ABCC5: variants seen among roughly 807,000 people sequenced by gnomAD.
The protein encoded by ABCC5 is ATP-binding cassette sub-family C member 5.
ABCC5 carries 61 observed loss-of-function variants against 160.9 expected under a neutral mutation model. That is an observed-to-expected ratio of 0.38 (90% confidence interval 0.31 to 0.47). The LOEUF is 0.47. ABCC5 is among the 20% of genes least tolerant of loss of function. The probability of loss-of-function intolerance (pLI) is 0.99; values close to 1 mark genes in which losing one functional copy is unlikely to be tolerated. For missense variants in ABCC5, 1,308 were observed against 1,813.3 expected, an observed-to-expected ratio of 0.72 and a Z score of 5.06; for synonymous variants, 666 against 700.6, an observed-to-expected ratio of 0.95 and a Z score of 0.78.
Position 183,982,340 on chromosome 3 carries a change from G to C in ABCC5, c.999+111C>G. The C allele has an allele frequency of 7.9e-7, 1 of 1,271,334 alleles. No homozygotes were observed. Among genetic ancestry groups the C allele is most frequent in the African/African-American group, 1.5e-5 (1 of 65,894 alleles). 78.8% of individuals were successfully genotyped at this position (1,271,334 alleles called of 1,614,324 possible). A position where few individuals can be genotyped will look rare whatever the true frequency, so the allele number is the denominator to read the frequency against. ...GAGCTCTAGATTGAACCTGCTTTGA[G>C]GAAATTTCCAATCAGAGCTGTGAGA... On this transcript the variant is annotated intron_variant, in intron 7 of 29. Transcript: ENST00000334444. This position sits in a 1 kb window ranked among gnomAD's most constrained non-coding sequence, Gnocchi z 5.2.
chr3:184,004,546 A>G (rs1477283859), intron 2 of ABCC5, among the ~76,000 whole-genome samples: 1 of 151,902 alleles, frequency 6.6e-6, no homozygotes, highest in Non-Finnish European at 1.5e-5. Flanking sequence ...TATAATTTGT[A>G]AATGAAACTT....
chr3:183,939,160 C>A (rs370044627), intron 25 of ABCC5, among the ~76,000 whole-genome samples: 6 of 152,196 alleles, frequency 3.9e-5, no homozygotes, highest in Non-Finnish European at 7.3e-5. Context: ...TGGCCGGGCA[C>A]GGTGGCTCAT....
intron 26 of ABCC5, among the ~76,000 whole-genome samples, chr3:183,936,270 T>C (rs1713712038): frequency 6.6e-6 from 1 of 152,066 alleles, no homozygotes; most frequent in African/African-American, 2.4e-5. Context: ...ATCCCCGGCC[T>C]TCCCAGCCTC....
rs910068490 is a variant in ABCC5, at chr3:183,949,067, C to T, written c.3227+686G>A. 6.6e-6 allele frequency among the ~76,000 whole-genome samples: 1 copy of T among 152,210 alleles called. No homozygotes were observed. The highest frequency in any genetic ancestry group is 1.5e-5 in the Non-Finnish European group (1 of 68,038). On this transcript the variant is annotated intron_variant, in intron 22 of 29. Transcript: ENST00000334444. The surrounding 1 kb of genome is among the most constrained non-coding windows in gnomAD (Gnocchi z 4.2). Reference sequence around the variant, plus strand: ...AGGTAGCATACAATATATTAATACACACATCTGTACTCTGCTGTTTCACTA... The same window carrying T: ...AGGTAGCATACAATATATTAATACATACATCTGTACTCTGCTGTTTCACTA...
At chr3:184,000,363 T>A (rs931573525) in intron 2 of ABCC5, among the ~76,000 whole-genome samples, 6 of 151,686 alleles carry the variant, frequency 4.0e-5, no homozygotes, top group African/African-American at 2.4e-5. Flanking sequence ...AATAAATAAA[T>A]AAAAATAAGA....
chr3:183,943,427 T>A (rs1281382671), intron 24 of ABCC5, among the ~76,000 whole-genome samples: 1 of 152,258 alleles, frequency 6.6e-6, no homozygotes, highest in Non-Finnish European at 1.5e-5. Context: ...ATTTTGCCAC[T>A]GTGTGACCTG....
At chr3:184,004,389 A>C (rs1201691964) in intron 2 of ABCC5, among the ~76,000 whole-genome samples, 1 of 151,730 alleles carries the variant, frequency 6.6e-6, no homozygotes, top group African/African-American at 2.4e-5. Flanking sequence ...GCACACCTGT[A>C]ATCCCAGGTA....
intron 12 of ABCC5, among the ~76,000 whole-genome samples, chr3:183,965,942 G>GA (rs941104111): frequency 1.3e-4 from 19 of 150,152 alleles, no homozygotes; most frequent in African/African-American, 3.9e-4. Flanking sequence ...AGGACCAAGG[G>GA]AAAAAAAAAG....
chr3:183,954,438 C>T (rs763157106), intron 17 of ABCC5, among the ~76,000 whole-genome samples: 7 of 152,148 alleles, frequency 4.6e-5, no homozygotes, highest in Non-Finnish European at 1.0e-4. Flanking sequence ...CATGAGCCAC[C>T]GCACCTAGCT....
At chr3:183,971,987 G>A (rs1191511055) in intron 10 of ABCC5, 68 bp from the exon 11 acceptor site, 4 of 1,605,402 alleles carry the variant, frequency 2.5e-6, no homozygotes, top group Non-Finnish European at 2.5e-6. Context: ...CAAGCCTAGG[G>A]CGTACACTCA....
At chr3:183,977,698 C>T in intron 9 of ABCC5, 74 bp from the exon 10 acceptor site, 2 of 1,020,760 alleles carry the variant, frequency 2.0e-6, no homozygotes, top group Non-Finnish European at 3.0e-6. Flanking sequence ...CCATGAATTT[C>T]CTCTCAGGCG....
chr3:183,983,957 A>G lies in ABCC5; in HGVS notation c.592-950T>C. 5 of 985,390 alleles carry G rather than the reference A, an allele frequency of 5.1e-6. No individual in the cohort carries two copies. The South Asian group carries it at 2.3e-4, about 46-fold the overall frequency. The allele number at this position is 985,390 out of a possible 1,614,324, so 61.0% of individuals were successfully genotyped here. On this transcript the variant is annotated intron_variant, in intron 5 of 29. Coordinates refer to ENST00000334444, the MANE Select transcript of ABCC5 (RefSeq NM_005688.4). ...GACACACAGTAGAAATAGAGAATAG[A>G]ACCCATATCTGTTTCCAGAGTCCAA...
chr3:183,964,085 G>T (rs1396881260), intron 14 of ABCC5, among the ~76,000 whole-genome samples: 1 of 152,182 alleles, frequency 6.6e-6, no homozygotes, highest in African/African-American at 2.4e-5. Context: ...GAAATTATGT[G>T]TATACTATGA....
At position 183,928,839 on chromosome 3, in the gene ABCC5, C is replaced by T; in HGVS notation, c.3855-14G>A. The T allele has an allele frequency of 6.2e-7, 1 of 1,612,934 alleles. No individual in the cohort carries two copies. Among genetic ancestry groups the T allele is most frequent in the Non-Finnish European group, 8.5e-7 (1 of 1,178,944 alleles). ...TCCAAATTTGATCTAGGGAGAAACACAGGAATTTCTCAGTGGTCCCACCCT... is the reference window on the plus strand; with the variant it reads ...TCCAAATTTGATCTAGGGAGAAACATAGGAATTTCTCAGTGGTCCCACCCT... On this transcript the variant is annotated splice_polypyrimidine_tract_variant and intron_variant, in intron 26 of 29. Coordinates refer to ENST00000334444, the MANE Select transcript of ABCC5 (RefSeq NM_005688.4).
At chr3:183,934,255 G>A (rs1369558717) in intron 26 of ABCC5, among the ~76,000 whole-genome samples, 5 of 152,176 alleles carry the variant, frequency 3.3e-5, no homozygotes, top group African/African-American at 7.2e-5. Flanking sequence ...GCAGTGAGCT[G>A]AAACTCCAGC....
chr3:183,928,867 G>A, intron 26 of ABCC5, 42 bp from the exon 27 acceptor site: 1 of 1,551,218 alleles, frequency 6.4e-7, no homozygotes, highest in Non-Finnish European at 8.9e-7. Flanking sequence ...CCCACCCTAA[G>A]CGACCCATTG....
chr3:183,999,594 A>G (rs1720576143), intron 2 of ABCC5, among the ~76,000 whole-genome samples: 2 of 152,104 alleles, frequency 1.3e-5, no homozygotes, highest in South Asian at 4.1e-4. Context: ...CCTGGGCAAC[A>G]AAGTGAGAAC....
At chr3:184,016,402 AAGG>A (rs1160831691) in intron 1 of ABCC5, among the ~76,000 whole-genome samples, 1 of 152,158 alleles carries the variant, frequency 6.6e-6, no homozygotes, top group African/African-American at 2.4e-5. Context: ...CCTTGAACAT[AAGG>A]ACACCATCGT....
At chr3:183,960,726 A>G (rs895941026) in intron 16 of ABCC5, among the ~76,000 whole-genome samples, 4 of 152,092 alleles carry the variant, frequency 2.6e-5, no homozygotes, top group African/African-American at 9.7e-5. Context: ...ATAAACAGCC[A>G]TCAGGGTTCT....
Sources: allele counts gnomAD v4.1 joint callset (sites outside exome capture counted in the v4.1 genomes callset), GRCh38; gene constraint gnomAD v4.1.1; non-coding constraint Gnocchi (gnomAD v3.1); transcripts MANE v1.5; gene names NCBI Gene and HGNC (gene_info 2026-07-23, HGNC 2026-07-21).